Variants in CALCR observed in about 807,000 individuals in gnomAD.
CALCR encodes calcitonin receptor.
CALCR carries 47 observed loss-of-function variants against 59.5 expected under a neutral mutation model. The observed-to-expected ratio is 0.79, with a 90% confidence interval of 0.63 to 1.01. CALCR has a LOEUF of 1.01. Among genes scored for constraint, CALCR ranks in the 50% least tolerant of loss-of-function variants. CALCR has a pLI of 0.00. For synonymous variants in CALCR, 213 were observed against 211.3 expected, an observed-to-expected ratio of 1.01 and a Z score of -0.07; for missense variants, 566 against 597.1, an observed-to-expected ratio of 0.95 and a Z score of 0.54.
intron 2 of CALCR, among the ~76,000 whole-genome samples, chr7:93,512,462 G>C (rs1348865303): frequency 6.6e-6 from 1 of 151,944 alleles, no homozygotes; most frequent in Non-Finnish European, 1.5e-5. Flanking sequence ...TTTAGAAAAG[G>C]CTTTCTTTTC....
At position 93,479,353 on chromosome 7, in the gene CALCR, C is replaced by T; in HGVS notation, c.205+1G>A. ...ATGTTCATATATATCCTTCTCTTTA[C>T]CTTCTCCTTGGTATGCGGGTAACTG... On this transcript the variant is annotated splice_donor_variant, in intron 4 of 13. Coordinates refer to ENST00000426151, the MANE Select transcript of CALCR (RefSeq NM_001742.4). LOFTEE classifies it high-confidence loss of function. The T allele has an allele frequency of 1.2e-6, 2 of 1,605,294 alleles. No homozygotes were observed. Among genetic ancestry groups the T allele is most frequent in the Non-Finnish European group, 1.7e-6 (2 of 1,176,174 alleles).
At chr7:93,461,983 G>T in intron 7 of CALCR, 1 of 828,878 alleles carries the variant, frequency 1.2e-6, no homozygotes, top group Non-Finnish European at 1.9e-6. Flanking sequence ...TATCTTCATG[G>T]AATAAAGTTA....
chr7:93,434,571 C>A (rs965041711), intron 12 of CALCR, among the ~76,000 whole-genome samples: 2 of 150,778 alleles, frequency 1.3e-5, no homozygotes, highest in Admixed American at 6.7e-5. Flanking sequence ...TTTATAGCAG[C>A]ATATGCTGAT....
At chr7:93,558,457 G>A (rs1789661376) in intron 2 of CALCR, among the ~76,000 whole-genome samples, 1 of 152,004 alleles carries the variant, frequency 6.6e-6, no homozygotes, top group African/African-American at 2.4e-5. Flanking sequence ...CCTTTAGTGA[G>A]TTAGAAGAAT....
At chr7:93,555,756 TA>T (rs1442436643) in intron 2 of CALCR, among the ~76,000 whole-genome samples, 3 of 152,166 alleles carry the variant, frequency 2.0e-5, no homozygotes, top group Non-Finnish European at 4.4e-5. Context: ...AGCTAACATA[TA>T]ATCTGAAATC....
At chr7:93,530,798 G>A (rs184909080) in intron 2 of CALCR, among the ~76,000 whole-genome samples, 11 of 152,208 alleles carry the variant, frequency 7.2e-5, no homozygotes, top group Admixed American at 5.9e-4. Context: ...CAAAATGGCT[G>A]GTTGTTGGAA....
At chr7:93,528,307 T>C (rs1788731296) in intron 2 of CALCR, among the ~76,000 whole-genome samples, 1 of 152,244 alleles carries the variant, frequency 6.6e-6, no homozygotes, top group Non-Finnish European at 1.5e-5. Flanking sequence ...CTTTAAATTC[T>C]AGGGTACATG....
chr7:93,515,783 A>ATC (rs1438859484), intron 2 of CALCR, among the ~76,000 whole-genome samples: 2 of 152,024 alleles, frequency 1.3e-5, no homozygotes, highest in Non-Finnish European at 2.9e-5. Flanking sequence ...AAATATGGAC[A>ATC]TGGACAATTT....
At chr7:93,428,171 A>G (rs1212992279) in intron 13 of CALCR, among the ~76,000 whole-genome samples, 2 of 152,248 alleles carry the variant, frequency 1.3e-5, no homozygotes, top group East Asian at 3.8e-4. Flanking sequence ...AAGATAGAAT[A>G]ACAAGTTTCA....
At chr7:93,477,700 C>A (rs1442897797) in intron 4 of CALCR, 32 bp from the exon 5 acceptor site, 2 of 1,364,008 alleles carry the variant, frequency 1.5e-6, no homozygotes, top group Non-Finnish European at 2.1e-6. Flanking sequence ...GATATTGAAG[C>A]CTTGTGGATT....
chr7:93,468,837 ATG>A, intron 6 of CALCR, 31 bp from the exon 7 acceptor site: 7 of 1,229,970 alleles, frequency 5.7e-6, no homozygotes, highest in African/African-American at 3.0e-5. Context: ...CAAACAAACA[ATG>A]AATGAATGAT....
intron 2 of CALCR, among the ~76,000 whole-genome samples, chr7:93,556,887 G>A (rs1789620948): frequency 6.6e-6 from 1 of 151,998 alleles, no homozygotes; most frequent in Non-Finnish European, 1.5e-5. Context: ...GATATGTACA[G>A]AAAGACTCGC....
Position 93,518,079 on chromosome 7 carries a change from G to A in CALCR, c.-26-31072C>T, listed in dbSNP as rs537604215. ...AAAGCATGAAACATTGAGAACAGTA[G>A]ATAAAAATATGTGTATTTTTGTAAT... On this transcript the variant is annotated intron_variant, in intron 2 of 13. Transcript: ENST00000426151. 3.7e-4 allele frequency among the ~76,000 whole-genome samples: 56 copies of A among 151,870 alleles called. No individual in the cohort carries two copies. In the South Asian group the frequency reaches 0.011, roughly 31 times the overall value.
intron 4 of CALCR, among the ~76,000 whole-genome samples, chr7:93,479,095 G>A (rs1030696813): frequency 2.0e-5 from 3 of 151,668 alleles, no homozygotes; most frequent in Non-Finnish European, 2.9e-5. Context: ...TTACTGTTCC[G>A]GCTCACCAGG....
chr7:93,493,802 G>GT (rs1801137546), intron 2 of CALCR, among the ~76,000 whole-genome samples: 1 of 151,418 alleles, frequency 6.6e-6, no homozygotes, highest in South Asian at 2.1e-4. Context: ...GGAGAGGAAA[G>GT]TAGGTGGAGG....
chr7:93,451,178 C>T (rs1415731495), intron 8 of CALCR, among the ~76,000 whole-genome samples: 3 of 152,042 alleles, frequency 2.0e-5, no homozygotes, highest in African/African-American at 2.4e-5. Context: ...GCTTTCACCT[C>T]GTAACAATAG....
intron 2 of CALCR, among the ~76,000 whole-genome samples, chr7:93,558,322 T>C (rs560729030): frequency 6.6e-6 from 1 of 152,104 alleles, no homozygotes; most frequent in Non-Finnish European, 1.5e-5. Context: ...AGTAGTTATA[T>C]TGGTAGAATC....
chr7:93,445,235 T>G (rs1432029879), intron 8 of CALCR, among the ~76,000 whole-genome samples: 3 of 152,154 alleles, frequency 2.0e-5, no homozygotes, highest in Admixed American at 6.6e-5. Flanking sequence ...TAACTGGGAT[T>G]ATTTAATATA....
chr7:93,434,096 A>G (rs1205302489), intron 13 of CALCR, among the ~76,000 whole-genome samples, 157 bp downstream of exon 13: 1 of 152,228 alleles, frequency 6.6e-6, no homozygotes, highest in Non-Finnish European at 1.5e-5. Context: ...GATAAGATTC[A>G]GCTTGGAGTA....
Sources: gnomAD v4.1 joint callset for allele counts (sites outside exome capture counted in the v4.1 genomes callset) on GRCh38, gnomAD v4.1.1 for gene constraint, MANE v1.5 for transcripts, NCBI Gene and HGNC (gene_info 2026-07-23, HGNC 2026-07-21) for gene names.